The following ARMC9 variants were observed in gnomAD, a reference collection of about 807,000 sequenced individuals.
ARMC9 encodes armadillo repeat containing 9.
ARMC9 carries 94 observed loss-of-function variants against 107.0 expected under a neutral mutation model. That is an observed-to-expected ratio of 0.88 (90% CI 0.74 to 1.04). The LOEUF (loss-of-function observed/expected upper bound fraction) is 1.04. ARMC9 is among the 50% of genes least tolerant of loss of function. The probability of loss-of-function intolerance (pLI) is 0.00; values close to 1 mark genes in which losing one functional copy is unlikely to be tolerated. For missense variants in ARMC9, 942 were observed against 1,030.1 expected (o/e 0.91, Z 1.17); for synonymous variants, 380 against 396.9 (o/e 0.96, Z 0.51).
At chr2:231,279,250 A>G (rs890129814) in intron 16 of ARMC9, among the ~76,000 whole-genome samples, 3 of 152,198 alleles carry the variant, frequency 2.0e-5, no homozygotes, top group Non-Finnish European at 2.9e-5. Context: ...TTTTTAACCT[A>G]TGGGCCCCAA....
intron 1 of ARMC9, among the ~76,000 whole-genome samples, chr2:231,202,898 G>A (rs911761578): frequency 1.3e-5 from 2 of 152,136 alleles, no homozygotes; most frequent in African/African-American, 2.4e-5. Context: ...GAAGCTAAAA[G>A]CAGACTTGGG....
At chr2:231,337,689 C>T (rs1040966350) in intron 20 of ARMC9, among the ~76,000 whole-genome samples, 2 of 151,954 alleles carry the variant, frequency 1.3e-5, no homozygotes, top group Non-Finnish European at 2.9e-5. Context: ...AGGCTGGTCT[C>T]GAACTCCTGA....
At chr2:231,253,635 G>T (rs2037501952) in intron 9 of ARMC9, among the ~76,000 whole-genome samples, 1 of 152,232 alleles carries the variant, frequency 6.6e-6, no homozygotes. Context: ...TGGCTGAAGT[G>T]CAGGTTCTGG....
chr2:231,337,980 CAG>C (rs199714241), intron 20 of ARMC9, among the ~76,000 whole-genome samples: 4,992 of 152,266 alleles, frequency 0.033, 116 homozygotes, highest in Middle Eastern at 0.058. Context: ...CTGCAAATAG[CAG>C]AGAGTCCTAC....
In ARMC9 at chr2:231,358,048, C is replaced by T. The variant is rs1457949987; in HGVS notation, c.2131+2114C>T. Among the ~76,000 whole-genome samples the T allele has an allele frequency of 6.6e-6, 1 of 152,202 alleles. No individual in the cohort carries two copies. The highest frequency in any genetic ancestry group is 1.5e-5 in the Non-Finnish European group (1 of 68,024). On this transcript the variant is annotated intron_variant, in intron 22 of 24. Coordinates refer to ENST00000611582, the MANE Select transcript of ARMC9 (RefSeq NM_001352754.2). The surrounding 1 kb of genome is among the most constrained non-coding windows in gnomAD (Gnocchi z 4.5). ...CGGCCTGTTGCGTCTCCCCAGTTGGCCTCCCTGCCCCTCTCCCTGTCCTGT... is the reference window on the plus strand; with the variant it reads ...CGGCCTGTTGCGTCTCCCCAGTTGGTCTCCCTGCCCCTCTCCCTGTCCTGT...
chr2:231,296,419 A>T (rs1287880946), intron 19 of ARMC9, among the ~76,000 whole-genome samples, 166 bp downstream of exon 19: 1 of 152,170 alleles, frequency 6.6e-6, no homozygotes, highest in Non-Finnish European at 1.5e-5. Flanking sequence ...TTCGGGTCTC[A>T]CTTGGGGTCT....
At chr2:231,361,276 T>C (rs1391222956) in intron 23 of ARMC9, among the ~76,000 whole-genome samples, 1 of 151,836 alleles carries the variant, frequency 6.6e-6, no homozygotes, top group Non-Finnish European at 1.5e-5. Flanking sequence ...AGTAAATGGT[T>C]TGGCTCAGAG....
chr2:231,281,747 G>T (rs183700865), intron 16 of ARMC9, among the ~76,000 whole-genome samples: 3 of 152,160 alleles, frequency 2.0e-5, no homozygotes, highest in Non-Finnish European at 2.9e-5. Context: ...CAAAATCAAC[G>T]ATGACTCCAG....
chr2:231,276,652 G>A lies in ARMC9; in HGVS notation c.1351G>A (p.Ala451Thr), dbSNP rs770103113. 1.4e-5 allele frequency: 23 copies of A among 1,614,072 alleles called. No homozygotes were observed. Among genetic ancestry groups the A allele is most frequent in the Non-Finnish European group, 5.9e-6 (7 of 1,180,046 alleles). ...KFSLRRPLQT[A>T]MIQDGLIFWL... ...TCTTCCCAGGCGCCCGCTGCAGACA[G>A]CGATGATTCAAGACGGCCTCATCTT... is the stretch of plus-strand genomic sequence containing the variant. Residue 451 changes from alanine to threonine, a missense_variant, in exon 15 of 25, where the codon GCG (alanine) becomes ACG (threonine). Transcript: ENST00000611582.
At chr2:231,246,020 C>T (rs749662000) in intron 9 of ARMC9, among the ~76,000 whole-genome samples, 18 of 152,158 alleles carry the variant, frequency 1.2e-4, no homozygotes, top group Non-Finnish European at 2.5e-4. Flanking sequence ...AATTCGAGCT[C>T]CTGCCCCCTG....
At chr2:231,259,189 C>A in intron 11 of ARMC9, 87 bp downstream of exon 11, 1 of 1,142,350 alleles carries the variant, frequency 8.8e-7, no homozygotes, top group Non-Finnish European at 1.2e-6. Flanking sequence ...TCTTTTAACC[C>A]ATCTTCCAGA....
At chr2:231,288,832 A>C in intron 17 of ARMC9, 1 of 399,422 alleles carries the variant, frequency 2.5e-6, no homozygotes, top group Non-Finnish European at 5.2e-6. Flanking sequence ...TGGGACTTTC[A>C]CCTAGTCAGA....
intron 11 of ARMC9, among the ~76,000 whole-genome samples, chr2:231,260,679 A>T (rs551447299): frequency 6.6e-6 from 1 of 152,140 alleles, no homozygotes; most frequent in Non-Finnish European, 1.5e-5. Context: ...TGAGTCATCC[A>T]CGGTGGCCGT....
In ARMC9 at chr2:231,345,169, A is replaced by T. The variant is rs145038049; in HGVS notation, c.1994+79A>T. The T allele has an allele frequency of 9.6e-4, 1,498 of 1,559,368 alleles. 12 individuals are homozygous for T. The African/African-American group carries it at 0.019, about 19-fold the overall frequency. ...TACAGTGTAAGATGTATGTATTTTT[A>T]AAATTCAAAATAAAGCATTCATTTT... On this transcript the variant is annotated intron_variant, in intron 21 of 24. Transcript: ENST00000611582.
intron 17 of ARMC9, among the ~76,000 whole-genome samples, chr2:231,285,391 A>G (rs1444773069): frequency 6.6e-6 from 1 of 151,854 alleles, no homozygotes; most frequent in African/African-American, 2.4e-5. Context: ...CATGCCTGTA[A>G]TCCTAGCACT....
chr2:231,203,828 C>T (rs7571479), intron 1 of ARMC9, among the ~76,000 whole-genome samples: 42,335 of 151,986 alleles, frequency 0.28, 6,157 homozygotes, highest in African/African-American at 0.34. Context: ...GGCATGGTGG[C>T]GGGTGCCTGT....
At chr2:231,273,983 A>G (rs2039556224) in intron 14 of ARMC9, among the ~76,000 whole-genome samples, 1 of 152,182 alleles carries the variant, frequency 6.6e-6, no homozygotes, top group Admixed American at 6.5e-5. Context: ...TATAAATGGA[A>G]TCATGTAGTG....
intron 7 of ARMC9, among the ~76,000 whole-genome samples, chr2:231,233,940 A>G (rs551766479): frequency 1.3e-5 from 2 of 152,284 alleles, no homozygotes; most frequent in Admixed American, 6.5e-5. Context: ...AATCTTCACA[A>G]TAACCCATCA....
intron 9 of ARMC9, 111 bp from the exon 10 acceptor site, chr2:231,256,475 A>G (rs987569137): frequency 6.2e-6 from 9 of 1,455,746 alleles, no homozygotes; most frequent in East Asian, 2.3e-5. Context: ...AAAAAACCCA[A>G]AAAACCTAAC....
Sources: allele counts gnomAD v4.1 joint callset (sites outside exome capture counted in the v4.1 genomes callset), GRCh38; gene constraint gnomAD v4.1.1; non-coding constraint Gnocchi (gnomAD v3.1); transcripts MANE v1.5; gene names NCBI Gene and HGNC (gene_info 2026-07-23, HGNC 2026-07-21).